GNAQ: variants seen among roughly 807,000 people sequenced by gnomAD.
GNAQ encodes the protein G protein subunit alpha q.
In GNAQ, 8 loss-of-function variants were observed where a neutral mutation model predicts 43.9. The observed-to-expected ratio is 0.18, with a 90% CI of 0.11 to 0.33. GNAQ has a LOEUF of 0.33. Ranked by LOEUF, GNAQ falls within the 10% of genes least tolerant of loss-of-function variation. GNAQ has a pLI of 1.00. For missense variants in GNAQ, 158 were observed against 450.8 expected (o/e 0.35, Z 5.88); for synonymous variants, 155 against 170.7 (o/e 0.91, Z 0.71).
intron 2 of GNAQ, among the ~76,000 whole-genome samples, chr9:77,878,414 A>C (rs868674230): frequency 6.6e-6 from 1 of 152,124 alleles, no homozygotes; most frequent in Non-Finnish European, 1.5e-5. Context: ...GACTTGGGCA[A>C]TTTCATCTTC....
At chr9:78,006,285 T>C (rs1823705293) in intron 1 of GNAQ, among the ~76,000 whole-genome samples, 1 of 152,186 alleles carries the variant, frequency 6.6e-6, no homozygotes, top group South Asian at 2.1e-4. Context: ...TATAATTACC[T>C]ATTTCTATCT....
intron 2 of GNAQ, among the ~76,000 whole-genome samples, chr9:77,852,142 GT>G (rs1377642521): frequency 2.6e-5 from 4 of 152,190 alleles, no homozygotes; most frequent in Non-Finnish European, 5.9e-5. Context: ...CAGGGGCAGG[GT>G]TGGTTTGCCT....
chr9:78,018,315 C>T (rs1333858588), intron 1 of GNAQ, among the ~76,000 whole-genome samples: 1 of 152,022 alleles, frequency 6.6e-6, no homozygotes, highest in African/African-American at 2.4e-5. Flanking sequence ...ACAGTATGAT[C>T]ACATCTATGT....
At chr9:77,952,044 TG>T (rs2118385038) in intron 1 of GNAQ, among the ~76,000 whole-genome samples, 1 of 152,240 alleles carries the variant, frequency 6.6e-6, no homozygotes, top group Admixed American at 6.5e-5. Context: ...TAATCATGAG[TG>T]GGCAAAAAGA....
At position 77,795,005 on chromosome 9, in the gene GNAQ, T is replaced by C. The variant is rs116624259; in HGVS notation, c.606-413A>G. 7.3e-3 allele frequency among the ~76,000 whole-genome samples: 1,105 copies of C among 152,320 alleles called. 15 individuals are homozygous for C. Among genetic ancestry groups the C allele is most frequent in the African/African-American group, 0.025 (1,060 of 41,580 alleles). On this transcript the variant is annotated intron_variant, in intron 4 of 6. Transcript: ENST00000286548. ...AAAAAAGATCCTCATGTATTTCTTA[T>C]GGATGCTAGATATGACTACAAGTAT... is the stretch of plus-strand genomic sequence containing the variant.
chr9:77,828,770 A>G (rs1356959313), intron 2 of GNAQ, among the ~76,000 whole-genome samples: 1 of 152,218 alleles, frequency 6.6e-6, no homozygotes. Context: ...GGACAGAAAA[A>G]GTAGTTGGAA....
At chr9:77,748,726 T>C (rs1397020958) in intron 5 of GNAQ, among the ~76,000 whole-genome samples, 2 of 152,182 alleles carry the variant, frequency 1.3e-5, no homozygotes, top group Non-Finnish European at 2.9e-5. Flanking sequence ...TATTGTCAGA[T>C]AGAATATGAA....
chr9:77,906,867 C>T (rs1049568562), intron 2 of GNAQ, among the ~76,000 whole-genome samples: 1 of 152,154 alleles, frequency 6.6e-6, no homozygotes, highest in East Asian at 1.9e-4. Context: ...AGATGTGGGA[C>T]AGTGAACCTA....
chr9:77,871,504 T>C lies in GNAQ; in HGVS notation c.321+50657A>G, dbSNP rs186965565. Among the ~76,000 whole-genome samples, 9 of 152,276 alleles carry C rather than the reference T, an allele frequency of 5.9e-5. No individual in the cohort carries two copies. In the East Asian group the frequency reaches 1.7e-3, roughly 29 times the overall value. On this transcript the variant is annotated intron_variant, in intron 2 of 6. Coordinates refer to ENST00000286548, the MANE Select transcript of GNAQ (RefSeq NM_002072.5). ...TGGTTTGTGTTTTGTTTTTTAGGGG[T>C]AGAAAGGTGGGATGATTTGTTATGA...
chr9:77,946,745 C>T (rs532593050), intron 1 of GNAQ, among the ~76,000 whole-genome samples: 1 of 152,226 alleles, frequency 6.6e-6, no homozygotes, highest in Non-Finnish European at 1.5e-5. Flanking sequence ...TACGGATCAA[C>T]AGTAACACAT....
chr9:77,990,961 A>G (rs1823500129), intron 1 of GNAQ, among the ~76,000 whole-genome samples: 1 of 152,244 alleles, frequency 6.6e-6, no homozygotes, highest in Non-Finnish European at 1.5e-5. Context: ...GTCACTTATC[A>G]CAATGCCAAA....
intron 5 of GNAQ, among the ~76,000 whole-genome samples, chr9:77,731,688 CGT>C (rs956044738): frequency 7.0e-4 from 106 of 152,184 alleles, no homozygotes; most frequent in Admixed American, 1.3e-3. Context: ...CACATGGGGT[CGT>C]CTTAAAACAA....
chr9:77,977,478 T>C (rs1823316425), intron 1 of GNAQ, among the ~76,000 whole-genome samples: 2 of 151,318 alleles, frequency 1.3e-5, no homozygotes, highest in African/African-American at 4.9e-5. Context: ...GCAGCTACCA[T>C]TGTTCAACCC....
At chr9:77,763,785 G>A (rs866424800) in intron 5 of GNAQ, among the ~76,000 whole-genome samples, 1 of 152,206 alleles carries the variant, frequency 6.6e-6, no homozygotes, top group Non-Finnish European at 1.5e-5. Flanking sequence ...TGGTAATGCA[G>A]AGGCAGTTTA....
intron 2 of GNAQ, among the ~76,000 whole-genome samples, chr9:77,860,762 G>C (rs1399859516): frequency 6.6e-6 from 1 of 152,134 alleles, no homozygotes; most frequent in Admixed American, 6.5e-5. Flanking sequence ...CTGGAAGGCA[G>C]AGCATTTATT....
intron 5 of GNAQ, among the ~76,000 whole-genome samples, chr9:77,768,526 C>CT (rs1826169633): frequency 6.6e-6 from 1 of 152,184 alleles, no homozygotes; most frequent in Non-Finnish European, 1.5e-5. Context: ...GGTTCAAAGG[C>CT]TTTCCCCTTC....
chr9:77,905,549 AT>A, intron 2 of GNAQ, among the ~76,000 whole-genome samples: 1 of 152,310 alleles, frequency 6.6e-6, no homozygotes, highest in Non-Finnish European at 1.5e-5. Flanking sequence ...GGGCTGTAAT[AT>A]TTTACACTGT....
At chr9:77,740,294 C>T (rs1471790695) in intron 5 of GNAQ, among the ~76,000 whole-genome samples, 1 of 152,146 alleles carries the variant, frequency 6.6e-6, no homozygotes, top group Non-Finnish European at 1.5e-5. Flanking sequence ...CCTGATGTGC[C>T]CATGACTATG....
chr9:77,751,953 A>C (rs1271588222), intron 5 of GNAQ, among the ~76,000 whole-genome samples: 1 of 152,384 alleles, frequency 6.6e-6, no homozygotes, highest in East Asian at 1.9e-4. Context: ...ACTGTCCTGA[A>C]AAATGATGGT....
Sources: gnomAD v4.1 joint callset for allele counts (sites outside exome capture counted in the v4.1 genomes callset) on GRCh38, gnomAD v4.1.1 for gene constraint, MANE v1.5 for transcripts, NCBI Gene and HGNC (gene_info 2026-07-23, HGNC 2026-07-21) for gene names.